ITPR1: variants seen among roughly 807,000 people sequenced by gnomAD.
The protein encoded by ITPR1 is inositol 1,4,5-trisphosphate-gated calcium channel ITPR1.
Under a neutral mutation model 318.4 loss-of-function variants are expected in ITPR1, and 96 were observed. The ratio of observed to expected loss-of-function variants is 0.30; its 90% CI spans 0.26 to 0.36. The LOEUF is 0.36. ITPR1 is among the 10% of genes least tolerant of loss of function. ITPR1 has a pLI of 1.00. For synonymous variants in ITPR1, 1,312 were observed against 1,289.9 expected (o/e 1.02, Z -0.37); for missense variants, 2,440 against 3,460.2 (o/e 0.71, Z 7.40).
At chr3:4,741,325 G>C (rs879308008) in intron 44 of ITPR1, among the ~76,000 whole-genome samples, 1 of 152,124 alleles carries the variant, frequency 6.6e-6, no homozygotes, top group Non-Finnish European at 1.5e-5. Context: ...TGGACTAATT[G>C]CTTCTGGTTT....
intron 44 of ITPR1, among the ~76,000 whole-genome samples, chr3:4,748,174 A>T (rs943471573): frequency 6.6e-6 from 1 of 152,210 alleles, no homozygotes; most frequent in African/African-American, 2.4e-5. Flanking sequence ...CAGTTGGCAG[A>T]GCTGGGATTT....
intron 51 of ITPR1, among the ~76,000 whole-genome samples, chr3:4,784,291 C>T (rs934077710): frequency 1.3e-4 from 20 of 152,188 alleles, no homozygotes; most frequent in African/African-American, 4.8e-4. Flanking sequence ...CAGGTAGAGA[C>T]TAGCAAGAGG....
chr3:4,662,774 C>G (rs557035871), intron 15 of ITPR1, among the ~76,000 whole-genome samples: 2 of 152,170 alleles, frequency 1.3e-5, no homozygotes, highest in South Asian at 2.1e-4. Context: ...CTTTCTGTCT[C>G]TAAGTTGGTC....
At chr3:4,645,305 G>T in intron 8 of ITPR1, 82 bp from the exon 9 acceptor site, 1 of 915,294 alleles carries the variant, frequency 1.1e-6, no homozygotes, top group Middle Eastern at 2.9e-4. Context: ...TTGCTTCCTA[G>T]GCTGCGGTGA....
intron 30 of ITPR1, among the ~76,000 whole-genome samples, chr3:4,685,736 C>T (rs986645655): frequency 3.3e-5 from 5 of 152,274 alleles, no homozygotes; most frequent in Middle Eastern, 6.8e-3. Context: ...TTCACATTAG[C>T]GTTTGTCATT....
chr3:4,835,627 C>G lies in ITPR1; in HGVS notation c.8029-1147C>G, dbSNP rs2050850846. ...AGAAAGACCATTAAATGTATCCTTA[C>G]AAGATAAAACTGGTCCAGGTGAGAA... On this transcript the variant is annotated intron_variant, in intron 60 of 61. Transcript: ENST00000649015. Among the ~76,000 whole-genome samples, 4 of 152,252 alleles carry G rather than the reference C, an allele frequency of 2.6e-5. No individual in the cohort carries two copies. The South Asian group carries it at 6.2e-4, about 24-fold the overall frequency.
At chr3:4,822,159 G>A (rs540317027) in intron 60 of ITPR1, among the ~76,000 whole-genome samples, 9 of 152,282 alleles carry the variant, frequency 5.9e-5, no homozygotes, top group Middle Eastern at 3.4e-3. Flanking sequence ...TCACACATCC[G>A]TTGGGTGGTA....
At chr3:4,597,254 A>G (rs2090904023) in intron 4 of ITPR1, among the ~76,000 whole-genome samples, 1 of 152,242 alleles carries the variant, frequency 6.6e-6, no homozygotes, top group Admixed American at 6.5e-5. Flanking sequence ...TGTAGGCCAG[A>G]TAGAATGTTG....
chr3:4,621,730 A>G lies in ITPR1; in HGVS notation c.164-6033A>G, dbSNP rs190506025. Among the ~76,000 whole-genome samples the G allele has an allele frequency of 3.6e-4, 55 of 152,212 alleles. No homozygotes were observed. The East Asian group carries it at 9.3e-3, about 26-fold the overall frequency. ...TCTGCAGCTCTAGCCTTTGCCTACTACTACCAGTCCTGCTTTTCTACTCAA... is the reference window on the plus strand; with the variant it reads ...TCTGCAGCTCTAGCCTTTGCCTACTGCTACCAGTCCTGCTTTTCTACTCAA... On this transcript the variant is annotated intron_variant, in intron 4 of 61. Transcript: ENST00000649015.
At chr3:4,703,135 A>C (rs932041756) in intron 36 of ITPR1, among the ~76,000 whole-genome samples, 185 bp downstream of exon 36, 2 of 152,210 alleles carry the variant, frequency 1.3e-5, no homozygotes, top group Non-Finnish European at 2.9e-5. Flanking sequence ...CCAAGCCAGC[A>C]TTTCCCAAGG....
intron 44 of ITPR1, among the ~76,000 whole-genome samples, chr3:4,747,680 G>A (rs1456612828): frequency 1.3e-5 from 2 of 152,196 alleles, no homozygotes; most frequent in Non-Finnish European, 2.9e-5. Context: ...CATCTCATTT[G>A]CCAAATGACA....
At chr3:4,840,336 G>T (rs1310957393) in intron 61 of ITPR1, among the ~76,000 whole-genome samples, 1 of 152,030 alleles carries the variant, frequency 6.6e-6, no homozygotes, top group Non-Finnish European at 1.5e-5. Flanking sequence ...AAAAATAAAA[G>T]CTCCATGAAT....
chr3:4,683,430 C>A lies in ITPR1; in HGVS notation c.3206C>A (p.Thr1069Asn). Residue 1069 changes from threonine (T) to asparagine (N), a missense_variant, in exon 27 of 62, where the codon ACC becomes AAC. Physicochemically the swap from Thr to Asn is moderately conservative, Grantham distance 65. Around this residue, in one of 23 missense-constraint regions of ITPR1, gnomAD observed 76 missense variants for 132.2 expected, o/e 0.58. Transcript: ENST00000649015. ...GACTTGGATGACCACGGCGGCAGAACCTTTCTCCGTGTCCTGCTCCACTTG... is the reference window on the plus strand; with the variant it reads ...GACTTGGATGACCACGGCGGCAGAAACTTTCTCCGTGTCCTGCTCCACTTG... ...PLDLDDHGGRTFLRVLLHLTM... is the reference protein window; with the variant it reads ...PLDLDDHGGRNFLRVLLHLTM... 1 of 1,614,052 alleles carries A rather than the reference C, an allele frequency of 6.2e-7. No individual in the cohort carries two copies. Among genetic ancestry groups the A allele is most frequent in the Non-Finnish European group, 8.5e-7 (1 of 1,179,898 alleles).
At chr3:4,541,540 A>T (rs779791960) in intron 4 of ITPR1, among the ~76,000 whole-genome samples, 5 of 151,468 alleles carry the variant, frequency 3.3e-5, no homozygotes, top group Non-Finnish European at 7.4e-5. Flanking sequence ...CTTTTTATTT[A>T]TCCTGCATGA....
rs145532745 is a variant in ITPR1, at chr3:4,680,515, T to C, written c.2968-38T>C. 1,510 of 1,602,912 alleles carry C rather than the reference T, an allele frequency of 9.4e-4. 10 individuals carry two copies. In the African/African-American group the frequency reaches 0.017, roughly 18 times the overall value. ...TGGCAGAGTCAAGATGGTATGTTAA[T>C]GTAACCAATCTGTTTCCATTTCCAC... On this transcript the variant is annotated intron_variant, in intron 24 of 61. Transcript: ENST00000649015.
chr3:4,730,346 C>T (rs371989536), intron 42 of ITPR1, among the ~76,000 whole-genome samples: 1 of 110,008 alleles, frequency 9.1e-6, no homozygotes, highest in East Asian at 2.4e-4. Context: ...TAATTAAAAG[C>T]AAAAAAAAAA....
At chr3:4,742,934 T>G (rs2043814986) in intron 44 of ITPR1, among the ~76,000 whole-genome samples, 1 of 152,244 alleles carries the variant, frequency 6.6e-6, no homozygotes, top group Non-Finnish European at 1.5e-5. Context: ...CAAGTCCTTC[T>G]GACTGTATAT....
chr3:4,807,588 C>T lies in ITPR1; in HGVS notation c.7272+1321C>T, dbSNP rs181377862. ...CTTTGTCATTCTATATTCCTTCCCC[C>T]GTCCAAAACACCATAAGGAATTCAC... is the stretch of plus-strand genomic sequence containing the variant. On this transcript the variant is annotated intron_variant, in intron 55 of 61. Transcript: ENST00000649015. Among the ~76,000 whole-genome samples, 362 of 152,256 alleles carry T rather than the reference C, an allele frequency of 2.4e-3. 2 individuals carry two copies. The highest frequency in any genetic ancestry group is 8.4e-3 in the African/African-American group (350 of 41,538).
intron 39 of ITPR1, among the ~76,000 whole-genome samples, chr3:4,716,447 G>A (rs1238224175): frequency 6.6e-6 from 1 of 152,168 alleles, no homozygotes; most frequent in Non-Finnish European, 1.5e-5. Context: ...AATGTAAAAG[G>A]ATATCTTAGA....
Sources: allele counts gnomAD v4.1 joint callset (sites outside exome capture counted in the v4.1 genomes callset), GRCh38; gene constraint gnomAD v4.1.1; regional missense constraint gnomAD v4.1.1; transcripts MANE v1.5; gene names NCBI Gene and HGNC (gene_info 2026-07-23, HGNC 2026-07-21).